TGM3: variants seen among roughly 807,000 people sequenced by gnomAD.
TGM3 encodes transglutaminase 3, also known as protein-glutamine gamma-glutamyltransferase E.
Under a neutral mutation model 73.8 loss-of-function variants are expected in TGM3, and 52 were observed. The observed-to-expected ratio is 0.70, with a 90% CI of 0.56 to 0.89. TGM3 has a LOEUF of 0.89. Among genes scored for constraint, TGM3 ranks in the 40% least tolerant of loss-of-function variants. TGM3 has a pLI of 0.00. For missense variants in TGM3, 928 were observed against 909.9 expected, an observed-to-expected ratio of 1.02 and a Z score of -0.26; for synonymous variants, 372 against 354.9, an observed-to-expected ratio of 1.05 and a Z score of -0.54.
intron 1 of TGM3, among the ~76,000 whole-genome samples, chr20:2,302,368 G>C (rs1418857484): frequency 6.6e-6 from 1 of 152,194 alleles, no homozygotes; most frequent in Non-Finnish European, 1.5e-5. Flanking sequence ...CAGAATAAAT[G>C]GGCAGGGGTT....
At chr20:2,330,330 G>C (rs1161483832) in intron 9 of TGM3, among the ~76,000 whole-genome samples, 5 of 152,232 alleles carry the variant, frequency 3.3e-5, no homozygotes, top group Non-Finnish European at 7.3e-5. Context: ...AAACACACCT[G>C]CTTCAAGGTC....
At chr20:2,329,388 C>A (rs547970517) in intron 9 of TGM3, among the ~76,000 whole-genome samples, 3 of 152,168 alleles carry the variant, frequency 2.0e-5, no homozygotes, top group Non-Finnish European at 4.4e-5. Flanking sequence ...TATTTGTGAA[C>A]ATTTGGAGGC....
chr20:2,335,100 T>C lies in TGM3; in HGVS notation c.1643-16T>C, dbSNP rs1303676257. ...CCCACTCCCCCTCACTCGGATCCCC[T>C]GGCTTCTCCTTCCAGAGGCAGAACA... On this transcript the variant is annotated splice_polypyrimidine_tract_variant and intron_variant, in intron 10 of 12. Coordinates refer to ENST00000381458, the MANE Select transcript of TGM3 (RefSeq NM_003245.4). 7 of 1,614,016 alleles carry C rather than the reference T, an allele frequency of 4.3e-6. No individual in the cohort carries two copies. Among genetic ancestry groups the C allele is most frequent in the Non-Finnish European group, 5.9e-6 (7 of 1,179,916 alleles).
intron 7 of TGM3, among the ~76,000 whole-genome samples, chr20:2,324,177 G>T (rs573199653): frequency 1.3e-5 from 2 of 151,830 alleles, no homozygotes; most frequent in South Asian, 2.1e-4. Flanking sequence ...TTTAATTTCA[G>T]ATATTTGTGC....
rs151074346 is a variant in TGM3 at position 2,340,465 on chromosome 20, C to T, written c.1966C>T (p.Arg656Trp). 5.2e-4 allele frequency: 832 copies of T among 1,614,042 alleles called. No individual in the cohort carries two copies. The highest frequency in any genetic ancestry group is 1.1e-3 in the Admixed American group (66 of 60,018). The change falls in exon 13 of 13, where the codon CGG becomes TGG. Residue 656 changes from arginine to tryptophan, a missense_variant. Physicochemically the swap from Arg to Trp is moderately radical, Grantham distance 101. Coordinates refer to ENST00000381458, the MANE Select transcript of TGM3 (RefSeq NM_003245.4). ...GACCCTAGGGCCCAAGGAGGGGTCC[C>T]GGGTCCGTTTTGATATCCTGCCCTC... ...VPTLGPKEGS[R>W]VRFDILPSRS...
chr20:2,323,756 T>C (rs1274315315), intron 7 of TGM3, among the ~76,000 whole-genome samples: 1 of 152,258 alleles, frequency 6.6e-6, no homozygotes, highest in Non-Finnish European at 1.5e-5. Context: ...GTCAGTCTAA[T>C]AGGTGTCATC....
chr20:2,339,874 G>T lies in TGM3; in HGVS notation c.1821G>T (p.Val607=). The T allele has an allele frequency of 6.2e-7, 1 of 1,614,094 alleles. No homozygotes were observed. The highest frequency in any genetic ancestry group is 8.5e-7 in the Non-Finnish European group (1 of 1,180,026). The change falls in exon 12 of 13, where the codon GTG becomes GTT. Residue 607 remains valine (V), a synonymous_variant. Coordinates refer to ENST00000381458, the MANE Select transcript of TGM3 (RefSeq NM_003245.4). The part of the protein sequence containing the change: ...LTLEVLNEAR[V]RKPVNVQMLF... Reference sequence around the variant, plus strand: ...CATAGGTGCTGAACGAGGCTCGTGTGCGGAAGCCTGTGAACGTGCAGATGC... The same window carrying T: ...CATAGGTGCTGAACGAGGCTCGTGTTCGGAAGCCTGTGAACGTGCAGATGC...
At position 2,309,689 on chromosome 20, in the gene TGM3, G is replaced by A. The variant is rs2122217862; in HGVS notation, c.40G>A (p.Ala14Thr). Residue 14 changes from alanine to threonine, a missense_variant, in exon 2 of 13, where the codon GCC becomes ACC. Coordinates refer to ENST00000381458, the MANE Select transcript of TGM3 (RefSeq NM_003245.4). Reference protein sequence around the residue: ...LGVQSINWQTAFNRQAHHTDK... With the variant: ...LGVQSINWQTTFNRQAHHTDK... ...AGTCCAGAGTATCAACTGGCAGACGGCCTTCAACCGACAAGCGCATCACAC... is the reference window on the plus strand; with the variant it reads ...AGTCCAGAGTATCAACTGGCAGACGACCTTCAACCGACAAGCGCATCACAC... The A allele has an allele frequency of 6.2e-7, 1 of 1,614,124 alleles. No homozygotes were observed. Among genetic ancestry groups the A allele is most frequent in the Non-Finnish European group, 8.5e-7 (1 of 1,180,010 alleles).
intron 11 of TGM3, among the ~76,000 whole-genome samples, chr20:2,337,672 A>G (rs2084357519): frequency 1.3e-5 from 1 of 78,128 alleles, no homozygotes; most frequent in Middle Eastern, 5.7e-3. Flanking sequence ...GTGAGCCGAG[A>G]TCACACCACT....
In TGM3 at chr20:2,332,028, C is replaced by T; in HGVS notation, c.1360C>T (p.Gln454Ter). 1 of 1,611,186 alleles carries T rather than the reference C, an allele frequency of 6.2e-7. No individual in the cohort carries two copies. Residue 454 changes from glutamine (Q) to a stop codon, truncating the protein, a stop_gained, in exon 10 of 13, where the codon CAA becomes TAA. Coordinates refer to ENST00000381458, the MANE Select transcript of TGM3 (RefSeq NM_003245.4). LOFTEE classifies it high-confidence loss of function. The surrounding 1 kb of genome is among the most constrained non-coding windows in gnomAD (Gnocchi z 4.4). ...CTCTGACCAGGAAAGACAAGTGTTCCAAAAGGCTTTGGGGAAACTTAAACC... is the reference window on the plus strand; with the variant it reads ...CTCTGACCAGGAAAGACAAGTGTTCTAAAAGGCTTTGGGGAAACTTAAACC... The part of the protein sequence containing the change: ...EGSDQERQVF[Q>*]KALGKLKPNT...
chr20:2,301,345 G>C (rs2084146374), intron 1 of TGM3, among the ~76,000 whole-genome samples: 1 of 149,792 alleles, frequency 6.7e-6, no homozygotes, highest in South Asian at 2.1e-4. Flanking sequence ...CCGGCTTCTG[G>C]GCTAAGATCT....
chr20:2,327,487 A>G (rs1412888215), intron 8 of TGM3, among the ~76,000 whole-genome samples: 1 of 152,176 alleles, frequency 6.6e-6, no homozygotes, highest in Non-Finnish European at 1.5e-5. Context: ...AAAAAAACAA[A>G]CAAACAAACA....
intron 1 of TGM3, among the ~76,000 whole-genome samples, chr20:2,304,749 A>G (rs566799924): frequency 6.6e-6 from 1 of 152,250 alleles, no homozygotes; most frequent in South Asian, 2.1e-4. Context: ...CCTACCCTTC[A>G]ACTCAATTCT....
At chr20:2,324,907 A>T (rs1344396555) in intron 7 of TGM3, among the ~76,000 whole-genome samples, 1 of 152,186 alleles carries the variant, frequency 6.6e-6, no homozygotes, top group Non-Finnish European at 1.5e-5. Context: ...GTTTATCATT[A>T]TATGCAAAAG....
intron 1 of TGM3, among the ~76,000 whole-genome samples, chr20:2,297,697 T>A (rs2084118098): frequency 6.6e-6 from 1 of 152,138 alleles, no homozygotes; most frequent in Admixed American, 6.5e-5. Context: ...TCCCTTAAAT[T>A]TGTCCCACTT....
At chr20:2,317,921 GCATATATATATATATATATAT>G (rs1555794807) in intron 7 of TGM3, among the ~76,000 whole-genome samples, 8 of 135,718 alleles carry the variant, frequency 5.9e-5, no homozygotes, top group Admixed American at 4.3e-4. Flanking sequence ...TCTTCTCTTA[GCATATATATATATATATATAT>G]CATATATATA....
At chr20:2,323,384 TG>T (rs1300845041) in intron 7 of TGM3, among the ~76,000 whole-genome samples, 1 of 152,264 alleles carries the variant, frequency 6.6e-6, no homozygotes, top group East Asian at 1.9e-4. Flanking sequence ...AGATTGATTT[TG>T]CTTGTCCTTT....
Position 2,325,843 on chromosome 20 carries a change from CT to C in TGM3, c.984-5del. The C allele has an allele frequency of 6.4e-7, 1 of 1,552,638 alleles. No homozygotes were observed. Among genetic ancestry groups the C allele is most frequent in the Non-Finnish European group, 8.7e-7 (1 of 1,145,994 alleles). ...CAAGCGCTGCAGTCTCTGGTTCTATCTGCAGGAATTTCCATGTCTGGAATGA... is the reference window on the plus strand; with the variant it reads ...CAAGCGCTGCAGTCTCTGGTTCTATCGCAGGAATTTCCATGTCTGGAATGA... On this transcript the variant is annotated splice_region_variant and splice_polypyrimidine_tract_variant and intron_variant, in intron 7 of 12. Transcript: ENST00000381458.
intron 1 of TGM3, among the ~76,000 whole-genome samples, chr20:2,299,132 G>A (rs980670939): frequency 2.0e-5 from 3 of 152,092 alleles, no homozygotes; most frequent in African/African-American, 7.2e-5. Context: ...GTGGTCTTGG[G>A]CAGGTCACTT....
Sources: allele counts gnomAD v4.1 joint callset (sites outside exome capture counted in the v4.1 genomes callset), GRCh38; gene constraint gnomAD v4.1.1; non-coding constraint Gnocchi (gnomAD v3.1); transcripts MANE v1.5; gene names NCBI Gene and HGNC (gene_info 2026-07-23, HGNC 2026-07-21).